The following CDH18 variants were observed in gnomAD, a reference collection of about 807,000 sequenced individuals.
The protein encoded by CDH18 is cadherin 18.
A neutral mutation model predicts 67.9 loss-of-function variants in CDH18; 31 were observed. That is an observed-to-expected ratio of 0.46 (90% CI 0.34 to 0.62). CDH18 has a LOEUF of 0.62. Among genes scored for constraint, CDH18 ranks in the 20% least tolerant of loss-of-function variants. CDH18 has a pLI of 0.01. For synonymous variants in CDH18, 362 were observed against 347.2 expected, an observed-to-expected ratio of 1.04 and a Z score of -0.48; for missense variants, 890 against 975.5, an observed-to-expected ratio of 0.91 and a Z score of 1.17.
chr5:19,762,271 A>T (rs985566289), intron 3 of CDH18, among the ~76,000 whole-genome samples: 2 of 152,224 alleles, frequency 1.3e-5, no homozygotes, highest in African/African-American at 4.8e-5. Context: ...GAGCTTCTGC[A>T]CAGCAAAAGA....
At chr5:19,491,186 T>G (rs967002904) in intron 11 of CDH18, among the ~76,000 whole-genome samples, 1 of 152,202 alleles carries the variant, frequency 6.6e-6, no homozygotes, top group Non-Finnish European at 1.5e-5. Flanking sequence ...AAAATCCATG[T>G]GTTCCAACCT....
chr5:19,883,092 C>T (rs1033074431), intron 2 of CDH18, among the ~76,000 whole-genome samples: 1 of 152,158 alleles, frequency 6.6e-6, no homozygotes, highest in Non-Finnish European at 1.5e-5. Context: ...CTGCCTCCCA[C>T]GTGCTTCAGA....
intron 2 of CDH18, among the ~76,000 whole-genome samples, chr5:19,910,376 G>A (rs972080971): frequency 6.6e-6 from 1 of 152,166 alleles, no homozygotes; most frequent in South Asian, 2.1e-4. Context: ...TAAGGACACA[G>A]CAGCAGGGAT....
chr5:20,525,801 T>C (rs896944348), intron 1 of CDH18, among the ~76,000 whole-genome samples: 3 of 148,940 alleles, frequency 2.0e-5, no homozygotes, highest in East Asian at 2.0e-4. Flanking sequence ...GCTTCCACTA[T>C]ACACACACAC....
At chr5:19,537,159 C>G (rs1580079295) in intron 9 of CDH18, among the ~76,000 whole-genome samples, 1 of 152,086 alleles carries the variant, frequency 6.6e-6, no homozygotes, top group African/African-American at 2.4e-5. Context: ...GGGCCTCATT[C>G]AATCAGTTGA....
chr5:19,514,345 C>T (rs1429008166), intron 10 of CDH18, among the ~76,000 whole-genome samples: 2 of 152,140 alleles, frequency 1.3e-5, no homozygotes, highest in Admixed American at 6.6e-5. Context: ...GTGTATAATC[C>T]TTTGGGTATA....
intron 2 of CDH18, among the ~76,000 whole-genome samples, chr5:20,107,561 A>G (rs1747069571): frequency 6.6e-6 from 1 of 152,180 alleles, no homozygotes; most frequent in African/African-American, 2.4e-5. Flanking sequence ...GCCATAACAA[A>G]GTACCACAGA....
intron 2 of CDH18, among the ~76,000 whole-genome samples, chr5:20,147,302 A>G (rs1207478204): frequency 6.6e-6 from 1 of 152,164 alleles, no homozygotes; most frequent in Non-Finnish European, 1.5e-5. Context: ...TAAGCAAACA[A>G]ACAAATATAA....
chr5:19,675,079 G>A (rs571367506), intron 5 of CDH18, among the ~76,000 whole-genome samples: 5 of 152,122 alleles, frequency 3.3e-5, no homozygotes, highest in Admixed American at 6.6e-5. Flanking sequence ...GTTCCGTGAC[G>A]CCCCTGAGCC....
At chr5:20,387,986 T>C (rs1744459586) in intron 1 of CDH18, among the ~76,000 whole-genome samples, 2 of 152,156 alleles carry the variant, frequency 1.3e-5, no homozygotes, top group Admixed American at 1.3e-4. Flanking sequence ...TTATTGAGGA[T>C]TTTTGCATCG....
chr5:19,962,395 A>AAAAAAT (rs58319680), intron 2 of CDH18, among the ~76,000 whole-genome samples: 36,066 of 116,498 alleles, frequency 0.31, 6,025 homozygotes, highest in Middle Eastern at 0.45. Context: ...AAAAAAAAAA[A>AAAAAAT]AGAAAATTCA....
intron 2 of CDH18, among the ~76,000 whole-genome samples, chr5:19,851,825 T>C (rs1290567603): frequency 6.6e-6 from 1 of 151,878 alleles, no homozygotes; most frequent in Non-Finnish European, 1.5e-5. Flanking sequence ...TAATCTCTTT[T>C]GGTTCAAAAG....
At chr5:20,404,627 G>A (rs1746066744) in intron 1 of CDH18, among the ~76,000 whole-genome samples, 1 of 151,790 alleles carries the variant, frequency 6.6e-6, no homozygotes, top group Admixed American at 6.6e-5. Flanking sequence ...ATTTTATAAG[G>A]GCACCCCAAA....
intron 2 of CDH18, among the ~76,000 whole-genome samples, chr5:20,102,607 T>C (rs909151709): frequency 6.6e-6 from 1 of 152,190 alleles, no homozygotes; most frequent in Non-Finnish European, 1.5e-5. Context: ...AAGCTGGATC[T>C]GATTGAGGCT....
intron 2 of CDH18, among the ~76,000 whole-genome samples, chr5:19,977,297 G>C (rs530266868): frequency 1.3e-5 from 2 of 152,176 alleles, no homozygotes; most frequent in East Asian, 3.9e-4. Flanking sequence ...ATGTAATCTC[G>C]GCAAACTGGT....
At chr5:19,708,032 T>C (rs970093575) in intron 5 of CDH18, among the ~76,000 whole-genome samples, 6 of 152,188 alleles carry the variant, frequency 3.9e-5, no homozygotes, top group African/African-American at 1.4e-4. Flanking sequence ...GGCGGTATAG[T>C]GGCACCTCAA....
chr5:20,351,090 A>T (rs2150057011), intron 1 of CDH18, among the ~76,000 whole-genome samples: 1 of 151,840 alleles, frequency 6.6e-6, no homozygotes, highest in East Asian at 1.9e-4. Flanking sequence ...TCCCAGCACA[A>T]TCAATTCCTT....
At chr5:20,516,328 A>C (rs906313517) in intron 1 of CDH18, among the ~76,000 whole-genome samples, 3 of 152,044 alleles carry the variant, frequency 2.0e-5, no homozygotes, top group Non-Finnish European at 4.4e-5. Context: ...TGGAGTGTGG[A>C]AAAAGCAGTT....
chr5:19,635,392 A>G (rs138456916), intron 5 of CDH18, among the ~76,000 whole-genome samples: 1,858 of 152,320 alleles, frequency 0.012, 25 homozygotes, highest in South Asian at 0.022. Flanking sequence ...ACAAAAATAC[A>G]TATGGAAACT....
Sources: gnomAD v4.1 joint callset for allele counts (sites outside exome capture counted in the v4.1 genomes callset) on GRCh38, gnomAD v4.1.1 for gene constraint, MANE v1.5 for transcripts, NCBI Gene and HGNC (gene_info 2026-07-23, HGNC 2026-07-21) for gene names.